Variants in EFR3A observed in about 807,000 individuals in gnomAD.
EFR3A encodes EFR3 homolog A, also known as protein EFR3 homolog A.
A neutral mutation model predicts 104.4 loss-of-function variants in EFR3A; 76 were observed. The ratio of observed to expected loss-of-function variants is 0.73; its 90% CI spans 0.60 to 0.88. The LOEUF is 0.88. Ranked by LOEUF, EFR3A falls within the 40% of genes least tolerant of loss-of-function variation. The probability of loss-of-function intolerance (pLI) is 0.00; values close to 1 mark genes in which losing one functional copy is unlikely to be tolerated. For missense variants in EFR3A, 985 were observed against 1,012.5 expected (o/e 0.97, Z 0.37); for synonymous variants, 330 against 330.0 (o/e 1.00, Z 0.00).
intron 19 of EFR3A, among the ~76,000 whole-genome samples, chr8:131,999,458 A>T (rs935470265): frequency 2.6e-5 from 4 of 152,232 alleles, no homozygotes; most frequent in Non-Finnish European, 5.9e-5. Context: ...TATATAGTCT[A>T]GGTTAGTGTT....
intron 22 of EFR3A, among the ~76,000 whole-genome samples, chr8:132,010,407 G>GATATACATATATAT (rs1554610360): frequency 1.2e-5 from 1 of 81,878 alleles, no homozygotes; most frequent in African/African-American, 4.9e-5. Flanking sequence ...TCAAGTATGA[G>GATATACATATATAT]ATATATATAT....
At chr8:131,967,238 G>A (rs1160592097) in intron 8 of EFR3A, among the ~76,000 whole-genome samples, 4 of 152,088 alleles carry the variant, frequency 2.6e-5, no homozygotes, top group Non-Finnish European at 4.4e-5. Flanking sequence ...TTTACCTTGG[G>A]TGATTTTAAA....
chr8:131,941,866 A>C (rs1818187181), intron 2 of EFR3A, among the ~76,000 whole-genome samples: 1 of 152,112 alleles, frequency 6.6e-6, no homozygotes, highest in Non-Finnish European at 1.5e-5. Flanking sequence ...ATATATTTGA[A>C]GCCTAGAGCA....
chr8:131,927,259 C>A (rs1191970699), intron 1 of EFR3A, among the ~76,000 whole-genome samples: 1 of 152,158 alleles, frequency 6.6e-6, no homozygotes, highest in Non-Finnish European at 1.5e-5. Context: ...AAGACAGGGA[C>A]AACATGAGCA....
intron 1 of EFR3A, among the ~76,000 whole-genome samples, chr8:131,923,353 T>G (rs1817143416): frequency 6.6e-6 from 1 of 152,150 alleles, no homozygotes; most frequent in African/African-American, 2.4e-5. Flanking sequence ...TCTTTTAAAT[T>G]GTTTAATTGT....
chr8:131,904,850 G>A (rs1255235128), intron 1 of EFR3A, among the ~76,000 whole-genome samples: 1 of 152,166 alleles, frequency 6.6e-6, no homozygotes, highest in African/African-American at 2.4e-5. Flanking sequence ...GAGGCACCTC[G>A]ACTGTGGCTT....
rs773148640 is a variant in EFR3A at position 131,986,249 on chromosome 8, G to A, written c.1925G>A (p.Arg642Lys). ...TATTTTCTACCAGAGCATATCTTCA[G>A]AGATAAGTGCATGTATGTTAATTCT... ...APYFLPEHIF[R>K]DKCMLPKSLE... Residue 642 changes from arginine to lysine, a missense_variant, in exon 17 of 23, where the codon AGA (arginine) becomes AAA (lysine). Coordinates refer to ENST00000254624, the MANE Select transcript of EFR3A (RefSeq NM_015137.6). The A allele has an allele frequency of 3.7e-5, 58 of 1,574,516 alleles. No homozygotes were observed. The highest frequency in any genetic ancestry group is 4.9e-5 in the Non-Finnish European group (56 of 1,147,030).
intron 1 of EFR3A, among the ~76,000 whole-genome samples, chr8:131,912,834 T>G (rs1816570567): frequency 6.6e-6 from 1 of 152,206 alleles, no homozygotes; most frequent in African/African-American, 2.4e-5. Context: ...GAGTTACTGG[T>G]CAAGTAGTTT....
intron 1 of EFR3A, among the ~76,000 whole-genome samples, chr8:131,905,531 C>T (rs944191108): frequency 6.6e-6 from 1 of 152,082 alleles, no homozygotes; most frequent in Non-Finnish European, 1.5e-5. Context: ...CTTTTAACTC[C>T]TCATACATGT....
chr8:131,957,494 G>T (rs1297010034), intron 7 of EFR3A, among the ~76,000 whole-genome samples: 1 of 151,958 alleles, frequency 6.6e-6, no homozygotes, highest in Non-Finnish European at 1.5e-5. Flanking sequence ...TGGATTATAG[G>T]CATGCGCCAC....
At chr8:131,967,838 T>C (rs1819831095) in intron 8 of EFR3A, among the ~76,000 whole-genome samples, 2 of 152,112 alleles carry the variant, frequency 1.3e-5, no homozygotes, top group African/African-American at 4.8e-5. Context: ...CCATGTTAAA[T>C]AGTATTTATC....
chr8:131,946,288 C>T (rs549564428), intron 3 of EFR3A, among the ~76,000 whole-genome samples, 195 bp from the exon 4 acceptor site: 54 of 152,016 alleles, frequency 3.6e-4, no homozygotes, highest in African/African-American at 1.3e-3. Flanking sequence ...CTGTATACTT[C>T]GATAAAAGGA....
At chr8:131,988,378 A>G (rs1354070630) in intron 18 of EFR3A, among the ~76,000 whole-genome samples, 4 of 152,138 alleles carry the variant, frequency 2.6e-5, no homozygotes, top group African/African-American at 9.6e-5. Context: ...GTTCTACAAG[A>G]GAACCATTTG....
chr8:131,954,818 A>G (rs1818895005), intron 6 of EFR3A, among the ~76,000 whole-genome samples: 2 of 151,954 alleles, frequency 1.3e-5, no homozygotes, highest in African/African-American at 4.8e-5. Flanking sequence ...TTTATTTATG[A>G]TTTTAGTGAT....
Position 131,931,789 on chromosome 8 carries a change from CT to C in EFR3A, c.11-8709del, listed in dbSNP as rs576392221. 3.1e-3 allele frequency among the ~76,000 whole-genome samples: 469 copies of C among 152,044 alleles called. 1 individual carries two copies. The highest frequency in any genetic ancestry group is 5.5e-3 in the Non-Finnish European group (374 of 67,944). ...GTTTTTCATTTGTTTTACTGGTCTT[CT>C]ATGTTTCTTTTTGTCTTCATCTTTT... On this transcript the variant is annotated intron_variant, in intron 1 of 22. Coordinates refer to ENST00000254624, the MANE Select transcript of EFR3A (RefSeq NM_015137.6).
In EFR3A at chr8:131,947,597, A is replaced by T. The variant is rs192283329; in HGVS notation, c.366+964A>T. 2.7e-3 allele frequency among the ~76,000 whole-genome samples: 405 copies of T among 150,686 alleles called. 2 individuals are homozygous for T. Among genetic ancestry groups the T allele is most frequent in the Non-Finnish European group, 4.5e-3 (306 of 67,730 alleles). On this transcript the variant is annotated intron_variant, in intron 4 of 22. Transcript: ENST00000254624. Reference sequence around the variant, plus strand: ...GGGGGTGGTGGACAGGTATGCTTTCAGTTTCATATCTAAGAAACTATTGCC... The same window carrying T: ...GGGGGTGGTGGACAGGTATGCTTTCTGTTTCATATCTAAGAAACTATTGCC...
chr8:131,996,478 A>G lies in EFR3A; in HGVS notation c.2138A>G (p.Asn713Ser), dbSNP rs140029725. Residue 713 changes from asparagine (N) to serine (S), a missense_variant, in exon 19 of 23, where the codon AAT becomes AGT. By Grantham distance (46) the Asn-to-Ser change is conservative. Transcript: ENST00000254624. ...ATTCAGGTGGATATTTTATCCAACA[A>G]TGTTCCTTCTGATGATGTGGTAAGT... ...VSIQVDILSN[N>S]VPSDDVVSNT... 72 of 1,598,616 alleles carry G rather than the reference A, an allele frequency of 4.5e-5. 1 individual carries two copies. The Middle Eastern group carries it at 5.0e-4, about 11-fold the overall frequency.
Position 131,917,374 on chromosome 8 carries a change from TTC to T in EFR3A, c.10+13056_10+13057del, listed in dbSNP as rs541017339. Among the ~76,000 whole-genome samples the T allele has an allele frequency of 1.8e-3, 280 of 152,348 alleles. 2 individuals are homozygous for T. The highest frequency in any genetic ancestry group is 6.5e-3 in the African/African-American group (272 of 41,578). On this transcript the variant is annotated intron_variant, in intron 1 of 22. Coordinates refer to ENST00000254624, the MANE Select transcript of EFR3A (RefSeq NM_015137.6). The stretch of plus-strand genomic sequence containing the variant: ...GGTATGACACAGTAAACAGGCTCTA[TTC>T]TCTGTTTTCAGCAACATAGAAATAT...
intron 21 of EFR3A, 73 bp from the exon 22 acceptor site, chr8:132,003,163 A>C: frequency 4.2e-6 from 5 of 1,183,196 alleles, no homozygotes; most frequent in Non-Finnish European, 6.1e-6. Context: ...TTTGTCTCTT[A>C]AGTTACATTG....
Sources: gnomAD v4.1 joint callset for allele counts (sites outside exome capture counted in the v4.1 genomes callset) on GRCh38, gnomAD v4.1.1 for gene constraint, MANE v1.5 for transcripts, NCBI Gene and HGNC (gene_info 2026-07-23, HGNC 2026-07-21) for gene names.